CYB5R1: variants seen among roughly 807,000 people sequenced by gnomAD.
CYB5R1 encodes the protein cytochrome b5 reductase 1.
Under a neutral mutation model 37.4 loss-of-function variants are expected in CYB5R1, and 32 were observed. The ratio of observed to expected loss-of-function variants is 0.86; its 90% CI spans 0.65 to 1.15. The LOEUF is 1.15. Among genes scored for constraint, CYB5R1 ranks in the 50% most tolerant of loss-of-function variants. CYB5R1 has a pLI of 0.00. For synonymous variants in CYB5R1, 159 were observed against 155.2 expected (o/e 1.02, Z -0.18); for missense variants, 345 against 382.5 (o/e 0.90, Z 0.82).
intron 8 of CYB5R1, 91 bp from the exon 9 acceptor site, chr1:202,962,790 G>A: frequency 1.3e-6 from 2 of 1,486,264 alleles, no homozygotes; most frequent in South Asian, 1.2e-5. Flanking sequence ...GCCCTGAAAG[G>A]CTCTGGAGAA....
At chr1:202,963,890 C>T (rs1655040432) in intron 6 of CYB5R1, 163 bp from the exon 7 acceptor site, 2 of 458,034 alleles carry the variant, frequency 4.4e-6, no homozygotes, top group Non-Finnish European at 7.9e-6. Flanking sequence ...TATTCTCCAA[C>T]ATCTGTATTT....
Position 202,963,277 on chromosome 1 carries a change from G to A in CYB5R1, c.646-112C>T, listed in dbSNP as rs2232850. 2.9e-3 allele frequency: 2,163 copies of A among 740,892 alleles called. 34 individuals carry two copies. In the African/African-American group the frequency reaches 0.034, roughly 12 times the overall value. The allele number at this position is 740,892 out of a possible 1,614,324, so 45.9% of individuals were successfully genotyped here. A position where few individuals can be genotyped will look rare whatever the true frequency, so the allele number is the denominator to read the frequency against. On this transcript the variant is annotated intron_variant, in intron 7 of 8. Coordinates refer to ENST00000367249, the MANE Select transcript of CYB5R1 (RefSeq NM_016243.3). ...AAAAGAATGTTAAGGGAAAGCAAAA[G>A]TTCTAGGAAATAAGCAAGACTTGCA...
Position 202,962,510 on chromosome 1 carries a change from G to A in CYB5R1, c.*17C>T. On this transcript the variant is annotated 3_prime_UTR_variant, in exon 9 of 9. Coordinates refer to ENST00000367249, the MANE Select transcript of CYB5R1 (RefSeq NM_016243.3). ...GGAACAACTGCAGCGAACAGCACCAGGGAAGCTGGAGGATGCTCAGTAGGT... is the reference window on the plus strand; with the variant it reads ...GGAACAACTGCAGCGAACAGCACCAAGGAAGCTGGAGGATGCTCAGTAGGT... 1 of 1,593,182 alleles carries A rather than the reference G, an allele frequency of 6.3e-7. No individual in the cohort carries two copies. Among genetic ancestry groups the A allele is most frequent in the Middle Eastern group, 1.7e-4 (1 of 5,948 alleles).
Position 202,962,532 on chromosome 1 carries a change from A to G in CYB5R1, c.913T>C (p.Tyr305His). The stretch of plus-strand genomic sequence containing the variant: ...CCAGGGAAGCTGGAGGATGCTCAGT[A>G]GGTGAATCGCATCTTTTGTGAGTAG... Reference protein sequence around the residue: ...LGYSQKMRFTY With the variant: ...LGYSQKMRFTH The change falls in exon 9 of 9, where the codon TAC (tyrosine) becomes CAC (histidine). Residue 305 changes from tyrosine (Y) to histidine (H), a missense_variant. By Grantham distance (83) the Tyr-to-His change is moderately conservative. Coordinates refer to ENST00000367249, the MANE Select transcript of CYB5R1 (RefSeq NM_016243.3). 1 of 1,608,052 alleles carries G rather than the reference A, an allele frequency of 6.2e-7. No individual in the cohort carries two copies. The highest frequency in any genetic ancestry group is 8.5e-7 in the Non-Finnish European group (1 of 1,176,484).
chr1:202,962,555 T>A lies in CYB5R1; in HGVS notation c.890A>T (p.Tyr297Phe). 6.2e-7 allele frequency: 1 copy of A among 1,612,392 alleles called. No homozygotes were observed. Among genetic ancestry groups the A allele is most frequent in the African/African-American group, 1.3e-5 (1 of 74,942 alleles). Residue 297 changes from tyrosine (Y) to phenylalanine (F), a missense_variant, in exon 9 of 9, where the codon TAC becomes TTC. By Grantham distance (22) the Tyr-to-Phe change is conservative (BLOSUM62 3). Transcript: ENST00000367249. ...GTAGGTGAATCGCATCTTTTGTGAG[T>A]AGCCCAGTTTGTCCAAGTTGGGATG... ...ACHPNLDKLG[Y>F]SQKMRFTY
Position 202,967,171 on chromosome 1 carries a change from A to G in CYB5R1, c.15+20T>C, listed in dbSNP as rs1479559858. On this transcript the variant is annotated intron_variant, in intron 1 of 8. Coordinates refer to ENST00000367249, the MANE Select transcript of CYB5R1 (RefSeq NM_016243.3). ...ATGGGGAGGGGTCCCCCAGTGGAGG[A>G]TACTGAATGAGGGTCTTACCGTCTG... 6.2e-7 allele frequency: 1 copy of G among 1,609,368 alleles called. No homozygotes were observed. Among genetic ancestry groups the G allele is most frequent in the Non-Finnish European group, 8.5e-7 (1 of 1,177,872 alleles).
intron 4 of CYB5R1, among the ~76,000 whole-genome samples, 163 bp downstream of exon 4, chr1:202,965,724 C>T (rs1655078091): frequency 6.6e-6 from 1 of 151,758 alleles, no homozygotes; most frequent in South Asian, 2.1e-4. Context: ...CCTCCGCCTC[C>T]TGGGTTCAAG....
intron 3 of CYB5R1, 173 bp downstream of exon 3, chr1:202,966,355 C>T: frequency 4.4e-6 from 3 of 688,574 alleles, no homozygotes; most frequent in Non-Finnish European, 2.5e-6. Context: ...ATGGAAGCCA[C>T]ACTCTAGAGG....
chr1:202,963,183 A>G lies in CYB5R1; in HGVS notation c.646-18T>C. 1.3e-6 allele frequency: 2 copies of G among 1,597,372 alleles called. No homozygotes were observed. Among genetic ancestry groups the G allele is most frequent in the Non-Finnish European group, 1.7e-6 (2 of 1,164,790 alleles). ...TTTTCTGTCTGAAATGCAAAGGGGAAGGAAAGTCTTTAGGAGTCTTCTCAG... is the reference window on the plus strand; with the variant it reads ...TTTTCTGTCTGAAATGCAAAGGGGAGGGAAAGTCTTTAGGAGTCTTCTCAG... On this transcript the variant is annotated intron_variant, in intron 7 of 8. Transcript: ENST00000367249.
At chr1:202,966,075 C>A in intron 3 of CYB5R1, 82 bp from the exon 4 acceptor site, 1 of 949,420 alleles carries the variant, frequency 1.1e-6, no homozygotes, top group Non-Finnish European at 1.7e-6. Flanking sequence ...TTTGAGAGAA[C>A]AAGATGTCTT....
chr1:202,964,622 G>GGCAATCAT lies in CYB5R1; in HGVS notation c.541_548dup (p.Gly184Ter). 1 of 1,612,696 alleles carries GGCAATCAT rather than the reference G, an allele frequency of 6.2e-7. No individual in the cohort carries two copies. The highest frequency in any genetic ancestry group is 8.5e-7 in the Non-Finnish European group (1 of 1,178,952). On this transcript the variant is annotated stop_gained and frameshift_variant, in exon 6 of 9. Coordinates refer to ENST00000367249, the MANE Select transcript of CYB5R1 (RefSeq NM_016243.3). LOFTEE classifies it high-confidence loss of function. ...CTCAGTGTAATGCACCTGTCCCGCC[G>GGCAATCAT]GCAATCATTCCCAGTTTCTTCGCCA...
At chr1:202,967,000 C>T in intron 1 of CYB5R1, 102 bp from the exon 2 acceptor site, 1 of 1,475,826 alleles carries the variant, frequency 6.8e-7, no homozygotes, top group Non-Finnish European at 9.1e-7. Flanking sequence ...AGCGCGGAGG[C>T]ATGCCAAGGG....
At position 202,961,986 on chromosome 1, in the gene CYB5R1, T is replaced by G. The variant is rs2102502130; in HGVS notation, c.*541A>C. On this transcript the variant is annotated 3_prime_UTR_variant, in exon 9 of 9. Transcript: ENST00000367249. ...GTTTCCCTCTAGCCTGGGCAGGGGC[T>G]GAGAGAGACACACACAGAAATATGA... The G allele has an allele frequency of 6.6e-6, 1 of 152,388 alleles. No homozygotes were observed. Among genetic ancestry groups the G allele is most frequent in the East Asian group, 1.9e-4 (1 of 5,188 alleles). The allele number at this position is 152,388 out of a possible 1,614,324, so 9.4% of individuals were successfully genotyped here.
In CYB5R1 at chr1:202,963,105, G is replaced by A. The variant is rs760633859; in HGVS notation, c.706C>T (p.Arg236Cys). 3 of 1,614,176 alleles carry A rather than the reference G, an allele frequency of 1.9e-6. No homozygotes were observed. The highest frequency in any genetic ancestry group is 1.3e-5 in the African/African-American group (1 of 75,042). The change falls in exon 8 of 9, where the codon CGC (arginine) becomes TGC (cysteine). Residue 236 changes from arginine (R) to cysteine (C), a missense_variant. By Grantham distance (180) the Arg-to-Cys change is radical. Transcript: ENST00000367249. Reference protein sequence around the residue: ...LEELQARYPNRFKLWFTLDHP... With the variant: ...LEELQARYPNCFKLWFTLDHP... ...TCCAGAGTGAACCAGAGCTTAAAGC[G>A]ATTGGGATAGCGGGCCTGCAGTTCC...
chr1:202,966,103 C>A, intron 3 of CYB5R1, 110 bp from the exon 4 acceptor site: 1 of 738,308 alleles, frequency 1.4e-6, no homozygotes, highest in Non-Finnish European at 2.3e-6. Flanking sequence ...GCTGTGGTCC[C>A]AAGGAGCTAC....
At chr1:202,963,325 A>ATAC in intron 7 of CYB5R1, 160 bp from the exon 8 acceptor site, 1 of 605,286 alleles carries the variant, frequency 1.7e-6, no homozygotes, top group East Asian at 2.8e-5. Context: ...AGTTAGGATG[A>ATAC]GGAGAAGAGG....
intron 1 of CYB5R1, 22 bp from the exon 2 acceptor site, chr1:202,966,920 T>C (rs1270449395): frequency 6.3e-7 from 1 of 1,584,720 alleles, no homozygotes; most frequent in South Asian, 1.1e-5. Context: ...GGAGGCAGCG[T>C]GACCGCCAGG....
At position 202,965,379 on chromosome 1, in the gene CYB5R1, G is replaced by A; in HGVS notation, c.467C>T (p.Thr156Ile). Residue 156 changes from threonine (T) to isoleucine (I), a missense_variant, in exon 5 of 9, where the codon ACT becomes ATT. Physicochemically the swap from Thr to Ile is moderately conservative, Grantham distance 89. Transcript: ENST00000367249. The stretch of plus-strand genomic sequence containing the variant: ...AGAAGACAGGTCATTACCTTTTCCA[G>A]TGTAAGTGAGCAACCCGCTTGGCCC... The part of the protein sequence containing the change: ...FRGPSGLLTY[T>I]GKGHFNIQPN... The A allele has an allele frequency of 6.3e-7, 1 of 1,594,276 alleles. No homozygotes were observed. Among genetic ancestry groups the A allele is most frequent in the Non-Finnish European group, 8.5e-7 (1 of 1,170,588 alleles).
At chr1:202,965,284 CAT>C (rs1298390167) in intron 5 of CYB5R1, 85 bp downstream of exon 5, 6 of 1,436,332 alleles carry the variant, frequency 4.2e-6, no homozygotes, top group Admixed American at 2.7e-5. Context: ...CGTGCATACA[CAT>C]GTGTACACAC....
Sources: gnomAD v4.1 joint callset for allele counts (sites outside exome capture counted in the v4.1 genomes callset) on GRCh38, gnomAD v4.1.1 for gene constraint, MANE v1.5 for transcripts, NCBI Gene and HGNC (gene_info 2026-07-23, HGNC 2026-07-21) for gene names.